KALRN: variants seen among roughly 807,000 people sequenced by gnomAD.
KALRN encodes the protein kalirin.
A neutral mutation model predicts 353.7 loss-of-function variants in KALRN; 70 were observed. The observed-to-expected ratio is 0.20, with a 90% CI of 0.16 to 0.24. KALRN has a LOEUF of 0.24. Ranked by LOEUF, KALRN falls within the 10% of genes least tolerant of loss-of-function variation. The pLI is 1.00. For missense variants in KALRN, 2,791 were observed against 3,756.7 expected (o/e 0.74, Z 6.72); for synonymous variants, 1,391 against 1,434.8 (o/e 0.97, Z 0.69).
At chr3:124,515,015 C>T (rs972799691) in intron 33 of KALRN, among the ~76,000 whole-genome samples, 11 of 152,240 alleles carry the variant, frequency 7.2e-5, no homozygotes, top group Admixed American at 5.9e-4. Flanking sequence ...GTTTTCTAAT[C>T]CATCAGACAA....
intron 1 of KALRN, among the ~76,000 whole-genome samples, chr3:124,190,268 CA>C (rs1299611281): frequency 6.6e-6 from 1 of 152,140 alleles, no homozygotes; most frequent in Admixed American, 6.5e-5. Context: ...GCTGGCCCCC[CA>C]CTGCTCCCCT....
chr3:124,338,470 T>G (rs1195923918), intron 9 of KALRN, among the ~76,000 whole-genome samples: 1 of 152,202 alleles, frequency 6.6e-6, no homozygotes, highest in Non-Finnish European at 1.5e-5. Flanking sequence ...TAATCCTGAG[T>G]TCTAATTTGA....
intron 1 of KALRN, among the ~76,000 whole-genome samples, chr3:124,158,428 G>GT (rs1336852055): frequency 2.0e-5 from 3 of 152,208 alleles, no homozygotes. Flanking sequence ...CCAGTCCTAG[G>GT]CTAGTGCATC....
At chr3:124,116,495 T>C (rs2063473665) in intron 1 of KALRN, among the ~76,000 whole-genome samples, 1 of 152,164 alleles carries the variant, frequency 6.6e-6, no homozygotes, top group South Asian at 2.1e-4. Context: ...GCCTGGATAA[T>C]GGTATGCATA....
chr3:124,373,284 C>T (rs1336704077), intron 10 of KALRN, among the ~76,000 whole-genome samples: 12 of 152,002 alleles, frequency 7.9e-5, no homozygotes, highest in Non-Finnish European at 1.6e-4. Flanking sequence ...TTTGTCTCCC[C>T]CCGACTTCTA....
chr3:124,204,417 A>T (rs1475896706), intron 1 of KALRN, among the ~76,000 whole-genome samples: 1 of 152,220 alleles, frequency 6.6e-6, no homozygotes, highest in African/African-American at 2.4e-5. Flanking sequence ...TTTATTTTTC[A>T]CATGGGGATT....
intron 26 of KALRN, among the ~76,000 whole-genome samples, chr3:124,475,925 T>A (rs558396888): frequency 6.6e-6 from 1 of 152,168 alleles, no homozygotes; most frequent in East Asian, 1.9e-4. Flanking sequence ...TAATTTATGA[T>A]CCCTTGCACA....
chr3:124,435,747 A>G (rs1291809957), intron 17 of KALRN, among the ~76,000 whole-genome samples: 1 of 152,222 alleles, frequency 6.6e-6, no homozygotes, highest in Non-Finnish European at 1.5e-5. Context: ...GCTGCAGACT[A>G]AGATGATAGA....
At chr3:124,415,521 G>A (rs576810724) in intron 14 of KALRN, among the ~76,000 whole-genome samples, 1 of 152,316 alleles carries the variant, frequency 6.6e-6, no homozygotes, top group Admixed American at 6.5e-5. Context: ...CATGTTTGCT[G>A]CGGTTCCTTT....
At chr3:124,432,325 A>G (rs1179960002) in intron 16 of KALRN, among the ~76,000 whole-genome samples, 1 of 152,110 alleles carries the variant, frequency 6.6e-6, no homozygotes, top group Non-Finnish European at 1.5e-5. Flanking sequence ...GAGGCAGGAT[A>G]ATTGCTTGAA....
At chr3:124,577,509 C>T (rs1485165426) in intron 34 of KALRN, among the ~76,000 whole-genome samples, 1 of 152,196 alleles carries the variant, frequency 6.6e-6, no homozygotes, top group African/African-American at 2.4e-5. Context: ...CTGGCAAGCA[C>T]ACTTTTTCTG....
chr3:124,050,508 C>G (rs1202138712), intron 1 of KALRN, among the ~76,000 whole-genome samples: 26 of 152,184 alleles, frequency 1.7e-4, no homozygotes, highest in Admixed American at 1.6e-3. Flanking sequence ...CCTTCAACAC[C>G]TCAGGAGTAG....
chr3:124,536,028 C>A (rs944759187), intron 33 of KALRN, among the ~76,000 whole-genome samples: 5 of 152,046 alleles, frequency 3.3e-5, no homozygotes, highest in Admixed American at 2.0e-4. Context: ...ATCCCATTGG[C>A]CAGAGTGTGA....
intron 14 of KALRN, among the ~76,000 whole-genome samples, chr3:124,421,143 G>A (rs1232911557): frequency 6.6e-6 from 1 of 152,194 alleles, no homozygotes; most frequent in East Asian, 1.9e-4. Context: ...GACTTGGACA[G>A]AACTAAGAAG....
chr3:124,519,923 C>T (rs2067019504), intron 33 of KALRN: 14 of 969,708 alleles, frequency 1.4e-5, no homozygotes, highest in Admixed American at 6.2e-5. Flanking sequence ...GCCAAGAACC[C>T]TTCCCATCCC....
chr3:124,345,530 C>T (rs1002692885), intron 9 of KALRN, among the ~76,000 whole-genome samples: 7 of 152,096 alleles, frequency 4.6e-5, no homozygotes, highest in Non-Finnish European at 8.8e-5. Context: ...GGTAAAAATC[C>T]AGCACTACCA....
intron 10 of KALRN, among the ~76,000 whole-genome samples, chr3:124,353,461 A>G (rs960079809): frequency 1.2e-4 from 18 of 152,184 alleles, no homozygotes. Context: ...ATTTTAAAAA[A>G]TGCATCAAAC....
chr3:124,394,768 C>T (rs1359030980), intron 11 of KALRN, among the ~76,000 whole-genome samples: 1 of 152,126 alleles, frequency 6.6e-6, no homozygotes, highest in Non-Finnish European at 1.5e-5. Flanking sequence ...TACATTACTC[C>T]CTTTCCTCCT....
chr3:124,509,301 C>T (rs893391148), intron 33 of KALRN, among the ~76,000 whole-genome samples: 21 of 152,244 alleles, frequency 1.4e-4, no homozygotes, highest in African/African-American at 4.1e-4. Flanking sequence ...CTCCACCTCC[C>T]GGGTTCAAGC....
Sources: gnomAD v4.1 joint callset for allele counts (sites outside exome capture counted in the v4.1 genomes callset) on GRCh38, gnomAD v4.1.1 for gene constraint, MANE v1.5 for transcripts, NCBI Gene and HGNC (gene_info 2026-07-23, HGNC 2026-07-21) for gene names.